Variants in NALCN observed in about 807,000 individuals in gnomAD.
The protein encoded by NALCN is sodium leak channel, non-selective.
Under a neutral mutation model 225.3 loss-of-function variants are expected in NALCN, and 111 were observed. The observed-to-expected ratio is 0.49, with a 90% CI of 0.42 to 0.58. The LOEUF (loss-of-function observed/expected upper bound fraction) is 0.58, where lower values mean the gene tolerates loss of function less well. NALCN is among the 20% of genes least tolerant of loss of function. The pLI is 0.00. For missense variants in NALCN, 1,378 were observed against 2,202.4 expected, an observed-to-expected ratio of 0.63 and a Z score of 7.49; for synonymous variants, 764 against 769.0, an observed-to-expected ratio of 0.99 and a Z score of 0.11.
intron 7 of NALCN, among the ~76,000 whole-genome samples, chr13:101,297,896 TC>T (rs2043814648): frequency 6.6e-6 from 1 of 152,200 alleles, no homozygotes; most frequent in Non-Finnish European, 1.5e-5. Flanking sequence ...CTCTTTCTGA[TC>T]CTCCAGCTGA....
intron 6 of NALCN, among the ~76,000 whole-genome samples, chr13:101,375,784 T>A (rs946013327): frequency 2.0e-5 from 3 of 152,154 alleles, no homozygotes; most frequent in Admixed American, 6.5e-5. Context: ...CCCCAATCCC[T>A]GCTGCCCTGA....
chr13:101,304,610 G>A (rs929580514), intron 7 of NALCN, among the ~76,000 whole-genome samples: 3 of 152,034 alleles, frequency 2.0e-5, no homozygotes, highest in Non-Finnish European at 4.4e-5. Context: ...GTTAATTTTT[G>A]TATTTCTTGT....
chr13:101,223,365 C>T (rs997220577), intron 13 of NALCN, among the ~76,000 whole-genome samples: 4 of 152,122 alleles, frequency 2.6e-5, no homozygotes, highest in African/African-American at 7.2e-5. Context: ...ACCCATATAC[C>T]CCCAGTAAAA....
chr13:101,175,524 T>C (rs944551638), intron 15 of NALCN, among the ~76,000 whole-genome samples: 2 of 152,212 alleles, frequency 1.3e-5, no homozygotes, highest in Non-Finnish European at 2.9e-5. Context: ...ATTATAACAT[T>C]CTAACAGTTG....
chr13:101,396,859 C>T (rs2047308052), intron 2 of NALCN, among the ~76,000 whole-genome samples: 1 of 151,538 alleles, frequency 6.6e-6, no homozygotes, highest in Non-Finnish European at 1.5e-5. Context: ...TTTATACTAC[C>T]TTCTTCATAA....
intron 11 of NALCN, among the ~76,000 whole-genome samples, chr13:101,254,191 T>G (rs1247006887): frequency 6.6e-6 from 1 of 151,822 alleles, no homozygotes; most frequent in Non-Finnish European, 1.5e-5. Flanking sequence ...GAGACCAGCC[T>G]GGCTAACATG....
chr13:101,313,374 CCG>C (rs1210084163), intron 7 of NALCN, among the ~76,000 whole-genome samples: 26 of 152,244 alleles, frequency 1.7e-4, no homozygotes, highest in African/African-American at 4.6e-4. Flanking sequence ...GCAAAAGAAA[CCG>C]TCATCAGAGT....
At chr13:101,314,818 G>T (rs893765620) in intron 7 of NALCN, among the ~76,000 whole-genome samples, 1 of 152,162 alleles carries the variant, frequency 6.6e-6, no homozygotes, top group South Asian at 2.1e-4. Context: ...AGGCAGGTGA[G>T]CAAAGCTTTG....
chr13:101,117,961 T>C (rs1170179024), intron 18 of NALCN, among the ~76,000 whole-genome samples: 3 of 152,170 alleles, frequency 2.0e-5, no homozygotes, highest in Non-Finnish European at 4.4e-5. Context: ...CAGAGGATTT[T>C]TAGAGCACTC....
intron 13 of NALCN, among the ~76,000 whole-genome samples, chr13:101,221,267 C>T (rs113026664): frequency 0.04 from 6,104 of 152,066 alleles, 402 homozygotes; most frequent in African/African-American, 0.14. Flanking sequence ...TACAGGCACA[C>T]GCCACCACAC....
At chr13:101,366,544 C>A (rs1426217065) in intron 6 of NALCN, among the ~76,000 whole-genome samples, 2 of 152,042 alleles carry the variant, frequency 1.3e-5, no homozygotes, top group African/African-American at 4.8e-5. Flanking sequence ...AATGAGGTCA[C>A]GGCAGTAGCT....
At chr13:101,151,875 C>T (rs971900010) in intron 15 of NALCN, among the ~76,000 whole-genome samples, 2 of 152,104 alleles carry the variant, frequency 1.3e-5, no homozygotes, top group East Asian at 1.9e-4. Flanking sequence ...TATGCAAATA[C>T]AAAGAATATC....
At chr13:101,078,552 C>A (rs1032936159) in intron 34 of NALCN, among the ~76,000 whole-genome samples, 3 of 152,154 alleles carry the variant, frequency 2.0e-5, no homozygotes, top group Non-Finnish European at 4.4e-5. Context: ...GTGCCTATAG[C>A]CCCTTTGTTT....
rs114562583 is a variant in NALCN at position 101,100,808 on chromosome 13, G to A, written c.3138C>T (p.Cys1046=). Residue 1046 remains cysteine (C), a synonymous_variant, in exon 27 of 44, where the codon TGC becomes TGT. Transcript: ENST00000251127. Reference sequence around the variant, plus strand: ...CCCTTCTAATAATGTTGGGATCATTGCACTTGGCCAGTTTTCCAGCAAAAA... The same window carrying A: ...CCCTTCTAATAATGTTGGGATCATTACACTTGGCCAGTTTTCCAGCAAAAA... ...VQLFAGKLAK[C]NDPNIIRRED... 4.5e-4 allele frequency: 726 copies of A among 1,610,212 alleles called. 2 individuals are homozygous for A. In the African/African-American group the frequency reaches 8.5e-3, roughly 19 times the overall value.
At chr13:101,403,266 T>G (rs1363783124) in intron 1 of NALCN, among the ~76,000 whole-genome samples, 2 of 152,238 alleles carry the variant, frequency 1.3e-5, no homozygotes, top group South Asian at 2.1e-4. Flanking sequence ...GCTTACGAAC[T>G]GCCTACTTTA....
intron 7 of NALCN, among the ~76,000 whole-genome samples, chr13:101,316,219 C>G (rs765124753): frequency 1.3e-5 from 2 of 152,208 alleles, no homozygotes; most frequent in Non-Finnish European, 2.9e-5. Flanking sequence ...CTCTCCCACA[C>G]AGCAACAGAT....
intron 10 of NALCN, among the ~76,000 whole-genome samples, chr13:101,268,655 G>T (rs1316521877): frequency 1.3e-5 from 2 of 152,098 alleles, no homozygotes; most frequent in Non-Finnish European, 2.9e-5. Flanking sequence ...AGCCATTTCT[G>T]GGCATTGGGA....
intron 43 of NALCN, chr13:101,057,129 T>C (rs1594106719): frequency 6.6e-6 from 1 of 152,372 alleles, no homozygotes; most frequent in African/African-American, 2.4e-5. Context: ...TCAATTGGGC[T>C]GAAGTTGGGG....
chr13:101,210,954 G>A (rs2040500342), intron 13 of NALCN, among the ~76,000 whole-genome samples: 1 of 152,074 alleles, frequency 6.6e-6, no homozygotes, highest in Admixed American at 6.6e-5. Context: ...TTTTTTGTAG[G>A]CAAGACTACA....
Sources: allele counts gnomAD v4.1 joint callset (sites outside exome capture counted in the v4.1 genomes callset), GRCh38; gene constraint gnomAD v4.1.1; transcripts MANE v1.5; gene names NCBI Gene and HGNC (gene_info 2026-07-23, HGNC 2026-07-21).